CNTNAP3B: variants seen among roughly 807,000 people sequenced by gnomAD.
CNTNAP3B encodes contactin associated protein family member 3B.
In CNTNAP3B, 25 loss-of-function variants were observed where a neutral mutation model predicts 108.9. The observed-to-expected ratio is 0.23, with a 90% CI of 0.17 to 0.32. The LOEUF (loss-of-function observed/expected upper bound fraction) is 0.32. Among genes scored for constraint, CNTNAP3B ranks in the 10% least tolerant of loss-of-function variants. The probability of loss-of-function intolerance (pLI) is 1.00; values close to 1 mark genes in which losing one functional copy is unlikely to be tolerated. For synonymous variants in CNTNAP3B, 103 were observed against 473.4 expected, an observed-to-expected ratio of 0.22 and a Z score of 10.16; for missense variants, 252 against 1,210.4, an observed-to-expected ratio of 0.21 and a Z score of 11.75.
intron 12 of CNTNAP3B, among the ~76,000 whole-genome samples, chr9:41,958,816 A>G (rs1824961299): frequency 6.6e-6 from 1 of 150,698 alleles, no homozygotes; most frequent in African/African-American, 2.5e-5. Flanking sequence ...GGTGTACTTC[A>G]AGACGGTTCC....
At chr9:41,964,303 C>T (rs1431973032) in intron 11 of CNTNAP3B, among the ~76,000 whole-genome samples, 1 of 152,116 alleles carries the variant, frequency 6.6e-6, no homozygotes, top group African/African-American at 2.4e-5. Flanking sequence ...GACTTATTTC[C>T]CCATTGCTTG....
At chr9:42,117,514 A>G (rs1828346882) in intron 1 of CNTNAP3B, among the ~76,000 whole-genome samples, 1 of 141,944 alleles carries the variant, frequency 7.0e-6, no homozygotes, top group South Asian at 2.2e-4. Context: ...TCTCTGGGAC[A>G]CATTTAAAGC....
intron 17 of CNTNAP3B, among the ~76,000 whole-genome samples, chr9:41,921,318 G>A (rs909330959): frequency 1.3e-5 from 2 of 152,252 alleles, no homozygotes; most frequent in African/African-American, 4.8e-5. Context: ...TAGTTTGATG[G>A]TTTCATGTCC....
intron 2 of CNTNAP3B, among the ~76,000 whole-genome samples, chr9:42,080,244 C>G (rs1297108312): frequency 2.9e-5 from 4 of 136,620 alleles, no homozygotes; most frequent in South Asian, 2.4e-4. Flanking sequence ...TGCACTCCTG[C>G]TAACAGATGA....
rs71512015 is a variant in CNTNAP3B at position 42,096,111 on chromosome 9, G to A, written c.196+8518C>T. 4.5e-4 allele frequency among the ~76,000 whole-genome samples: 63 copies of A among 140,036 alleles called. 10 individuals carry two copies. The highest frequency in any genetic ancestry group is 7.1e-4 in the Non-Finnish European group (46 of 65,092). 91.9% of individuals were successfully genotyped at this position (140,036 alleles called of 152,430 possible). On this transcript the variant is annotated intron_variant, in intron 2 of 23. Coordinates refer to ENST00000377561, the MANE Select transcript of CNTNAP3B (RefSeq NM_001201380.3). ...CCGGCCACCAGAGCTGCCGCAGGGC[G>A]TCCAGTCCTGTCACTGAATGTGCCG...
chr9:42,035,821 C>A (rs1485521183), intron 3 of CNTNAP3B, among the ~76,000 whole-genome samples: 1 of 148,190 alleles, frequency 6.7e-6, no homozygotes. Flanking sequence ...CTATGCCCAG[C>A]TAATTTTAAT....
chr9:41,966,493 G>A (rs1433168580), intron 10 of CNTNAP3B, among the ~76,000 whole-genome samples: 3 of 152,252 alleles, frequency 2.0e-5, no homozygotes, highest in Non-Finnish European at 2.9e-5. Flanking sequence ...GCAGAGGGAG[G>A]GCAGGAGTGG....
At chr9:41,924,644 T>TGCGC (rs1482014228) in intron 15 of CNTNAP3B, among the ~76,000 whole-genome samples, 23 of 95,586 alleles carry the variant, frequency 2.4e-4, no homozygotes, top group African/African-American at 6.5e-4. Context: ...CTTTCCTTCC[T>TGCGC]GCACACACAC....
chr9:42,118,068 T>C (rs1235992318), intron 1 of CNTNAP3B, among the ~76,000 whole-genome samples: 1 of 134,522 alleles, frequency 7.4e-6, no homozygotes, highest in Non-Finnish European at 1.6e-5. Flanking sequence ...CAGGACCAGA[T>C]GGATTCACAG....
At chr9:42,055,439 G>A (rs951512695) in intron 3 of CNTNAP3B, among the ~76,000 whole-genome samples, 1 of 143,980 alleles carries the variant, frequency 6.9e-6, no homozygotes, top group Non-Finnish European at 1.5e-5. Flanking sequence ...TGCTATTCCA[G>A]AGTATAAATG....
chr9:41,925,980 C>G (rs2117978932), intron 15 of CNTNAP3B, among the ~76,000 whole-genome samples: 1 of 152,410 alleles, frequency 6.6e-6, no homozygotes, highest in East Asian at 1.9e-4. Context: ...TTCTAGCCCT[C>G]TCAGTAGTCA....
intron 14 of CNTNAP3B, among the ~76,000 whole-genome samples, chr9:41,933,576 C>T (rs1271693953): frequency 3.3e-4 from 50 of 152,348 alleles, no homozygotes; most frequent in Admixed American, 5.9e-4. Flanking sequence ...AATTATTTTA[C>T]GATTTTATAG....
At chr9:41,929,543 G>T in intron 14 of CNTNAP3B, 99 bp from the exon 15 acceptor site, 2 of 1,434,800 alleles carry the variant, frequency 1.4e-6, no homozygotes, top group Non-Finnish European at 1.9e-6. Flanking sequence ...ACATCATAGA[G>T]CTTAACAGAA....
At position 42,108,230 on chromosome 9, in the gene CNTNAP3B, T is replaced by C. The variant is rs1828120764; in HGVS notation, c.86-3491A>G. Among the ~76,000 whole-genome samples the C allele has an allele frequency of 1.5e-5, 2 of 132,176 alleles. 1 individual carries two copies. The highest frequency in any genetic ancestry group is 6.1e-5 in the African/African-American group (2 of 32,816). 86.7% of individuals were successfully genotyped at this position (132,176 alleles called of 152,430 possible). On this transcript the variant is annotated intron_variant, in intron 1 of 23. Coordinates refer to ENST00000377561, the MANE Select transcript of CNTNAP3B (RefSeq NM_001201380.3). ...GGTTAAGATTCACTATATTTCCATGTGCTTGGCTCAATATAGAGGGTTCTA... is the reference window on the plus strand; with the variant it reads ...GGTTAAGATTCACTATATTTCCATGCGCTTGGCTCAATATAGAGGGTTCTA...
intron 10 of CNTNAP3B, among the ~76,000 whole-genome samples, chr9:41,965,119 C>G (rs534623702): frequency 2.6e-5 from 4 of 152,278 alleles, no homozygotes; most frequent in African/African-American, 9.6e-5. Flanking sequence ...CATCTTGTCG[C>G]CTTTTAGATT....
chr9:42,097,395 C>T (rs1289585053), intron 2 of CNTNAP3B, among the ~76,000 whole-genome samples: 8 of 139,622 alleles, frequency 5.7e-5, no homozygotes, highest in East Asian at 2.2e-4. Flanking sequence ...AATAAAGATG[C>T]TTTTTATATT....
At chr9:42,095,755 C>T (rs144684555) in intron 2 of CNTNAP3B, among the ~76,000 whole-genome samples, 6,210 of 137,316 alleles carry the variant, frequency 0.045, 848 homozygotes, top group Non-Finnish European at 0.067. Context: ...CTGTATTGGT[C>T]GCAGACCCTT....
chr9:41,933,651 T>C (rs1824048810), intron 14 of CNTNAP3B, among the ~76,000 whole-genome samples: 1 of 152,284 alleles, frequency 6.6e-6, no homozygotes, highest in South Asian at 2.1e-4. Flanking sequence ...ACTCTCATTT[T>C]TCCTGATATT....
chr9:42,107,100 C>T lies in CNTNAP3B; in HGVS notation c.86-2361G>A, dbSNP rs1379665391. Among the ~76,000 whole-genome samples, 135 of 89,276 alleles carry T rather than the reference C, an allele frequency of 1.5e-3. 48 individuals are homozygous for T. Among genetic ancestry groups the T allele is most frequent in the Non-Finnish European group, 2.5e-3 (110 of 43,358 alleles). 58.6% of individuals were successfully genotyped at this position (89,276 alleles called of 152,430 possible). A position where few individuals can be genotyped will look rare whatever the true frequency, so the allele number is the denominator to read the frequency against. On this transcript the variant is annotated intron_variant, in intron 1 of 23. Transcript: ENST00000377561. ...ACATGAAACAGCACTGGGCATTTCA[C>T]GTGTCCCTGGGATTCCTGGCTGACA... is the stretch of plus-strand genomic sequence containing the variant.
Sources: allele counts gnomAD v4.1 joint callset (sites outside exome capture counted in the v4.1 genomes callset), GRCh38; gene constraint gnomAD v4.1.1; transcripts MANE v1.5; gene names NCBI Gene and HGNC (gene_info 2026-07-23, HGNC 2026-07-21).